Variants in OR8B3 observed in about 807,000 individuals in gnomAD.
OR8B3 encodes the protein olfactory receptor 8B3.
For missense variants in OR8B3, 278 were observed against 377.6 expected, an observed-to-expected ratio of 0.74 and a Z score of 2.19; for synonymous variants, 102 against 135.4, an observed-to-expected ratio of 0.75 and a Z score of 1.71.
rs551803853 is a variant in OR8B3, at chr11:124,397,161, A to G, written c.191T>C (p.Phe64Ser). 87 of 1,612,712 alleles carry G rather than the reference A, an allele frequency of 5.4e-5. No homozygotes were observed. The East Asian group carries it at 1.4e-3, about 25-fold the overall frequency. Residue 64 changes from phenylalanine (F) to serine (S), a missense_variant, in exon 2 of 2, where the codon TTC becomes TCC. Physicochemically the swap from Phe to Ser is radical, Grantham distance 155. Coordinates refer to ENST00000641139, the MANE Select transcript of OR8B3 (RefSeq NM_001005467.2). ...HLHTPMYYFLFNLSFIDLCYS... is the reference protein window; with the variant it reads ...HLHTPMYYFLSNLSFIDLCYS... ...ACAGAGATCAATGAAGGAGAGATTGAAGAGGAAATAGTACATTGGTGTGTG... is the reference window on the plus strand; with the variant it reads ...ACAGAGATCAATGAAGGAGAGATTGGAGAGGAAATAGTACATTGGTGTGTG...
the OR8B3 span, among the ~76,000 whole-genome samples, chr11:124,409,491 C>A: frequency 6.6e-6 from 1 of 152,230 alleles, no homozygotes. Flanking sequence ...ATTAGTTGTG[C>A]AATTCTCAGT....
chr11:124,397,954 CA>C (rs1304926033), intron 1 of OR8B3, among the ~76,000 whole-genome samples: 2 of 152,150 alleles, frequency 1.3e-5, no homozygotes, highest in African/African-American at 4.8e-5. Flanking sequence ...CTCAGCCTCC[CA>C]AAGTGCTGGA....
chr11:124,402,982 C>T (rs1469089972), upstream of OR8B3, among the ~76,000 whole-genome samples: 7 of 152,068 alleles, frequency 4.6e-5, no homozygotes, highest in East Asian at 1.9e-4. Context: ...TGCGGCCTTC[C>T]GCAGTGTTTG....
At chr11:124,407,692 A>G in the OR8B3 span, among the ~76,000 whole-genome samples, 1 of 152,286 alleles carries the variant, frequency 6.6e-6, no homozygotes, top group East Asian at 1.9e-4. Flanking sequence ...CATGAAATAC[A>G]AATTTTATAG....
Position 124,396,454 on chromosome 11 carries a change from G to T in OR8B3, c.898C>A (p.Leu300Met), listed in dbSNP as rs1276862416. ...TGAATTTTAATCAGAGCTTTCCTCA[G>T]TGCAACTTTGACATCCTTGTTCCTC... ...SLRNKDVKVA[L>M]RKALIKIQRR... The change falls in exon 2 of 2, where the codon CTG becomes ATG. Residue 300 changes from leucine (L) to methionine (M), a missense_variant. Leu to Met is a conservative substitution (Grantham distance 15). Coordinates refer to ENST00000641139, the MANE Select transcript of OR8B3 (RefSeq NM_001005467.2). 1 of 1,613,374 alleles carries T rather than the reference G, an allele frequency of 6.2e-7. No homozygotes were observed. The highest frequency in any genetic ancestry group is 8.5e-7 in the Non-Finnish European group (1 of 1,179,862).
chr11:124,405,261 G>C, the OR8B3 span, among the ~76,000 whole-genome samples: 1 of 152,100 alleles, frequency 6.6e-6, no homozygotes, highest in Admixed American at 6.6e-5. Flanking sequence ...AGTCCCTAAG[G>C]AGGTCCCCAA....
Position 124,397,261 on chromosome 11 carries a change from A to T in OR8B3, c.91T>A (p.Phe31Ile). 1 of 1,490,606 alleles carries T rather than the reference A, an allele frequency of 6.7e-7. No homozygotes were observed. Among genetic ancestry groups the T allele is most frequent in the South Asian group, 1.2e-5 (1 of 85,768 alleles). 92.3% of individuals were successfully genotyped at this position (1,490,606 alleles called of 1,614,324 possible). A position where few individuals can be genotyped will look rare whatever the true frequency, so the allele number is the denominator to read the frequency against. Residue 31 changes from phenylalanine to isoleucine, a missense_variant, in exon 2 of 2, where the codon TTT becomes ATT. By Grantham distance (21) the Phe-to-Ile change is conservative (BLOSUM62 0). Coordinates refer to ENST00000641139, the MANE Select transcript of OR8B3 (RefSeq NM_001005467.2). ...PEFQQPLFFL[F>I]LVVYIVTMVG... is the part of the protein sequence containing the mutation. ...ATGGTGACAATGTAGACCACTAGAAACAGGAAAAAGAGGGGTTGCTGGAAC... is the reference window on the plus strand; with the variant it reads ...ATGGTGACAATGTAGACCACTAGAATCAGGAAAAAGAGGGGTTGCTGGAAC...
chr11:124,397,722 G>A (rs59100928), intron 1 of OR8B3, among the ~76,000 whole-genome samples: 49,430 of 150,532 alleles, frequency 0.33, 8,170 homozygotes, highest in African/African-American at 0.4. Flanking sequence ...TTAAGATGGA[G>A]TTTCACGCTT....
the OR8B3 span, among the ~76,000 whole-genome samples, chr11:124,408,835 C>A: frequency 1.3e-5 from 2 of 152,166 alleles, no homozygotes; most frequent in Non-Finnish European, 2.9e-5. Context: ...AATGTCACCA[C>A]CCCTTTTCTA....
the OR8B3 span, among the ~76,000 whole-genome samples, chr11:124,408,520 A>G: frequency 1.3e-5 from 2 of 152,230 alleles, no homozygotes; most frequent in South Asian, 4.1e-4. Context: ...ACACATGTTC[A>G]TAAGGAGCAG....
At position 124,396,507 on chromosome 11, in the gene OR8B3, G is replaced by A. The variant is rs769091646; in HGVS notation, c.845C>T (p.Pro282Leu). 6.2e-7 allele frequency: 1 copy of A among 1,614,006 alleles called. No homozygotes were observed. Among genetic ancestry groups the A allele is most frequent in the Non-Finnish European group, 8.5e-7 (1 of 1,180,020 alleles). Residue 282 changes from proline (P) to leucine (L), a missense_variant, in exon 2 of 2, where the codon CCC becomes CTC. Pro to Leu is a moderately conservative substitution (Grantham distance 98). Coordinates refer to ENST00000641139, the MANE Select transcript of OR8B3 (RefSeq NM_001005467.2). ...ACTGTAGATGAGAGGATTGAGCATG[G>A]GCACCACATTAGTGTAGAAAACAGA... ...VSSVFYTNVV[P>L]MLNPLIYSLR...
Position 124,396,803 on chromosome 11 carries a change from G to C in OR8B3, c.549C>G (p.Pro183=), listed in dbSNP as rs765229665. 1.9e-6 allele frequency: 3 copies of C among 1,610,742 alleles called. No individual in the cohort carries two copies. Among genetic ancestry groups the C allele is most frequent in the Non-Finnish European group, 2.5e-6 (3 of 1,177,500 alleles). ...TGCTGGTGCAGGAAAGCTGGAGGAG[G>C]GGGAGTATGTCACACAAGTAATGGT... The part of the protein sequence containing the change: ...IINHYLCDIL[P]LLQLSCTSTY... The change falls in exon 2 of 2, where the codon CCC becomes CCG. Residue 183 remains proline, a synonymous_variant. Coordinates refer to ENST00000641139, the MANE Select transcript of OR8B3 (RefSeq NM_001005467.2).
At chr11:124,398,291 A>G (rs1314023617) in intron 1 of OR8B3, among the ~76,000 whole-genome samples, 12 of 152,182 alleles carry the variant, frequency 7.9e-5, no homozygotes, top group Non-Finnish European at 1.3e-4. Flanking sequence ...GAAGAAAGGA[A>G]GCTGAATGTG....
At position 124,399,009 on chromosome 11, in the gene OR8B3, A is replaced by T. The variant is rs972786922; in HGVS notation, c.-337T>A. 1 of 152,166 alleles carries T rather than the reference A, an allele frequency of 6.6e-6. No homozygotes were observed. The highest frequency in any genetic ancestry group is 1.5e-5 in the Non-Finnish European group (1 of 68,030). 9.4% of individuals were successfully genotyped at this position (152,166 alleles called of 1,614,324 possible). A position where few individuals can be genotyped will look rare whatever the true frequency, so the allele number is the denominator to read the frequency against. On this transcript the variant is annotated 5_prime_UTR_variant, in exon 1 of 2. The change abolishes an upstream ATG in the 5' untranslated region. Transcript: ENST00000641139. The stretch of plus-strand genomic sequence containing the variant: ...TTACAATTCTTTTGGACCTGATTAC[A>T]TATCCCCCAGTAAGTCTCTCTCAGG...
At chr11:124,399,079 C>T (rs1298381720), upstream of OR8B3, 1 of 152,068 alleles carries the variant, frequency 6.6e-6, no homozygotes, top group Non-Finnish European at 1.5e-5. Flanking sequence ...AATTGTATGC[C>T]CTTGTTTACA....
At chr11:124,400,979 T>C (rs369891751), upstream of OR8B3, among the ~76,000 whole-genome samples, 5 of 152,176 alleles carry the variant, frequency 3.3e-5, no homozygotes, top group East Asian at 7.7e-4. Flanking sequence ...ACATCAGGCT[T>C]TGTGCTAGAA....
chr11:124,405,480 G>A, the OR8B3 span, among the ~76,000 whole-genome samples: 2 of 152,274 alleles, frequency 1.3e-5, no homozygotes, highest in Non-Finnish European at 2.9e-5. Flanking sequence ...TTAGACATTC[G>A]TCGTTGTTTT....
At chr11:124,403,957 AC>A (rs1861042856), upstream of OR8B3, among the ~76,000 whole-genome samples, 1 of 152,224 alleles carries the variant, frequency 6.6e-6, no homozygotes, top group African/African-American at 2.4e-5. Context: ...CCAAAAAAAT[AC>A]AAAAACCAGT....
At chr11:124,400,552 T>C (rs115078581), upstream of OR8B3, among the ~76,000 whole-genome samples, 1,911 of 152,130 alleles carry the variant, frequency 0.013, 48 homozygotes, top group African/African-American at 0.045. Flanking sequence ...TATTTAAAAA[T>C]ATTTGAGACC....
Sources: gnomAD v4.1 joint callset for allele counts (sites outside exome capture counted in the v4.1 genomes callset) on GRCh38, gnomAD v4.1.1 for gene constraint, MANE v1.5 for transcripts, NCBI Gene and HGNC (gene_info 2026-07-23, HGNC 2026-07-21) for gene names.